The following ADAMTS16 variants were observed in gnomAD, a reference collection of about 807,000 sequenced individuals.
ADAMTS16 encodes A disintegrin and metalloproteinase with thrombospondin motifs 16.
A neutral mutation model predicts 145.8 loss-of-function variants in ADAMTS16; 94 were observed. The observed-to-expected ratio is 0.64, with a 90% CI of 0.55 to 0.77. ADAMTS16 has a LOEUF of 0.77. Among genes scored for constraint, ADAMTS16 ranks in the 30% least tolerant of loss-of-function variants. ADAMTS16 has a pLI of 0.00. For missense variants in ADAMTS16, 1,585 were observed against 1,591.5 expected, an observed-to-expected ratio of 1.00 and a Z score of 0.07; for synonymous variants, 659 against 604.3, an observed-to-expected ratio of 1.09 and a Z score of -1.33.
rs759874707 is a variant in ADAMTS16 at position 5,237,109 on chromosome 5, ATCCT to A, written c.2154+13_2154+16del. The A allele has an allele frequency of 1.2e-6, 2 of 1,612,212 alleles. No homozygotes were observed. Among genetic ancestry groups the A allele is most frequent in the South Asian group, 1.1e-5 (1 of 90,568 alleles). ...AGATGGGATATGTGAGGTAATCATG[ATCCT>A]TCATTCATTCAACAAATGATTCCGG... On this transcript the variant is annotated intron_variant, in intron 14 of 22. Transcript: ENST00000274181.
At chr5:5,183,666 C>T (rs1410696817) in intron 4 of ADAMTS16, among the ~76,000 whole-genome samples, 5 of 152,142 alleles carry the variant, frequency 3.3e-5, no homozygotes, top group Admixed American at 6.5e-5. Context: ...TGAAGGTGGT[C>T]GCCATGACTC....
At position 5,189,951 on chromosome 5, in the gene ADAMTS16, G is replaced by A. The variant is rs192878839; in HGVS notation, c.1048-20G>A. 6.2e-5 allele frequency: 99 copies of A among 1,608,792 alleles called. No homozygotes were observed. In the East Asian group the frequency reaches 1.1e-3, roughly 17 times the overall value. On this transcript the variant is annotated intron_variant, in intron 6 of 22. Transcript: ENST00000274181. ...TTCTCTTCATTATCATGGGGTCCTCGGTCCTTGTCTCTTGCACAGCCAGGA... is the reference window on the plus strand; with the variant it reads ...TTCTCTTCATTATCATGGGGTCCTCAGTCCTTGTCTCTTGCACAGCCAGGA...
At chr5:5,292,051 T>C (rs1490935590) in intron 18 of ADAMTS16, among the ~76,000 whole-genome samples, 1 of 152,196 alleles carries the variant, frequency 6.6e-6, no homozygotes, top group Non-Finnish European at 1.5e-5. Context: ...ACAGACAGAA[T>C]GGCCCTCTCT....
At chr5:5,147,213 T>A (rs1022146968) in intron 3 of ADAMTS16, among the ~76,000 whole-genome samples, 1 of 152,196 alleles carries the variant, frequency 6.6e-6, no homozygotes, top group Middle Eastern at 3.2e-3. Context: ...TCTTAGATTC[T>A]TGGCAGCAAA....
intron 8 of ADAMTS16, among the ~76,000 whole-genome samples, chr5:5,199,356 C>T (rs927330404): frequency 5.9e-5 from 9 of 152,176 alleles, no homozygotes; most frequent in African/African-American, 2.2e-4. Context: ...TTGAGATGTA[C>T]CTGTACTCTG....
chr5:5,282,419 C>A (rs1738956766), intron 18 of ADAMTS16, among the ~76,000 whole-genome samples: 2 of 152,200 alleles, frequency 1.3e-5, no homozygotes, highest in African/African-American at 4.8e-5. Flanking sequence ...CCAATGCCTA[C>A]CAATCTGTAC....
chr5:5,282,258 A>G lies in ADAMTS16; in HGVS notation c.2789+19475A>G, dbSNP rs115664834. ...TTTCCCTTAATAGATTCTTGTTTAC[A>G]TGACACATTTAGAAAGTTTTTAATA... On this transcript the variant is annotated intron_variant, in intron 18 of 22. Transcript: ENST00000274181. Among the ~76,000 whole-genome samples the G allele has an allele frequency of 4.5e-3, 683 of 152,310 alleles. 7 individuals are homozygous for G. Among genetic ancestry groups the G allele is most frequent in the African/African-American group, 0.014 (597 of 41,564 alleles).
In ADAMTS16 at chr5:5,191,797, G is replaced by A. The variant is rs781085397; in HGVS notation, c.1313+7G>A. On this transcript the variant is annotated splice_region_variant and intron_variant, in intron 8 of 22. Coordinates refer to ENST00000274181, the MANE Select transcript of ADAMTS16 (RefSeq NM_139056.4). ...CCCATGAGTCTGGACACAAGTAAGT[G>A]CATCTCCATGGGAGGATGGCATCCC... 1 of 1,599,120 alleles carries A rather than the reference G, an allele frequency of 6.3e-7. No homozygotes were observed. The highest frequency in any genetic ancestry group is 1.7e-5 in the Admixed American group (1 of 57,772).
chr5:5,217,056 G>A (rs10475289), intron 10 of ADAMTS16, among the ~76,000 whole-genome samples: 19,468 of 151,778 alleles, frequency 0.13, 4,080 homozygotes, highest in African/African-American at 0.44. Flanking sequence ...GAATAATGCC[G>A]CAATAAACAT....
intron 3 of ADAMTS16, among the ~76,000 whole-genome samples, chr5:5,161,043 A>C (rs1734733083): frequency 6.6e-6 from 1 of 152,238 alleles, no homozygotes. Context: ...ATTGAGTGTC[A>C]GCTTTCAGTT....
chr5:5,187,675 G>C (rs764998600), intron 5 of ADAMTS16, 50 bp from the exon 6 acceptor site: 2 of 1,271,356 alleles, frequency 1.6e-6, no homozygotes, highest in African/African-American at 1.5e-5. Flanking sequence ...TAGTAAGTAG[G>C]GGGGAAAATG....
chr5:5,140,448 G>A lies in ADAMTS16; in HGVS notation c.-20G>A. The A allele has an allele frequency of 6.7e-7, 1 of 1,502,852 alleles. No individual in the cohort carries two copies. Among genetic ancestry groups the A allele is most frequent in the Non-Finnish European group, 8.8e-7 (1 of 1,134,184 alleles). The allele number at this position is 1,502,852 out of a possible 1,614,324, so 93.1% of individuals were successfully genotyped here. A position where few individuals can be genotyped will look rare whatever the true frequency, so the allele number is the denominator to read the frequency against. ...GCCGGGGACCCTCCGGTGGCCCCTA[G>A]CCCCTCGGAGCGCTCCTGGATGAAG... On this transcript the variant is annotated 5_prime_UTR_variant, in exon 1 of 23. Coordinates refer to ENST00000274181, the MANE Select transcript of ADAMTS16 (RefSeq NM_139056.4).
Position 5,319,222 on chromosome 5 carries a change from T to C in ADAMTS16, c.*84T>C, listed in dbSNP as rs72647765. On this transcript the variant is annotated 3_prime_UTR_variant, in exon 23 of 23. Coordinates refer to ENST00000274181, the MANE Select transcript of ADAMTS16 (RefSeq NM_139056.4). ...ATGAGCTGTGCAATCTACGTCGGAA[T>C]ACATCCAAGGAAGAGCAAAGCCAAA... 23,395 of 1,022,334 alleles carry C rather than the reference T, an allele frequency of 0.023. 347 individuals carry two copies. Among genetic ancestry groups the C allele is most frequent in the African/African-American group, 0.06 (3,773 of 63,186 alleles). 63.3% of individuals were successfully genotyped at this position (1,022,334 alleles called of 1,614,324 possible). A position where few individuals can be genotyped will look rare whatever the true frequency, so the allele number is the denominator to read the frequency against.
intron 18 of ADAMTS16, among the ~76,000 whole-genome samples, chr5:5,277,147 G>A (rs1299350948): frequency 6.6e-6 from 1 of 152,140 alleles, no homozygotes. Flanking sequence ...TCCCCCTTAC[G>A]CTGTCTCCCA....
intron 12 of ADAMTS16, among the ~76,000 whole-genome samples, chr5:5,233,611 G>A (rs115149137): frequency 4.6e-5 from 7 of 152,116 alleles, no homozygotes; most frequent in East Asian, 1.9e-4. Context: ...CTGTCCCTGC[G>A]TTAGCTTATT....
intron 3 of ADAMTS16, among the ~76,000 whole-genome samples, chr5:5,168,987 T>C (rs1473019365): frequency 6.6e-6 from 1 of 151,530 alleles, no homozygotes; most frequent in Non-Finnish European, 1.5e-5. Flanking sequence ...TGAGGTAGTG[T>C]TACGTATCCT....
chr5:5,188,236 C>G (rs1289774059), intron 6 of ADAMTS16, among the ~76,000 whole-genome samples: 2 of 152,140 alleles, frequency 1.3e-5, no homozygotes, highest in African/African-American at 4.8e-5. Flanking sequence ...CCCTGTGTTG[C>G]TTTATTCAAT....
chr5:5,142,676 T>C (rs1001048245), intron 2 of ADAMTS16, among the ~76,000 whole-genome samples: 7 of 152,182 alleles, frequency 4.6e-5, no homozygotes, highest in African/African-American at 1.7e-4. Flanking sequence ...ATTGTAGCCA[T>C]ACATTTTGTT....
At chr5:5,261,751 C>G (rs977540491) in intron 17 of ADAMTS16, among the ~76,000 whole-genome samples, 3 of 152,146 alleles carry the variant, frequency 2.0e-5, no homozygotes, top group African/African-American at 7.2e-5. Flanking sequence ...CCCAAAGTAT[C>G]TCTTTTTTAT....
Sources: allele counts gnomAD v4.1 joint callset (sites outside exome capture counted in the v4.1 genomes callset), GRCh38; gene constraint gnomAD v4.1.1; transcripts MANE v1.5; gene names NCBI Gene and HGNC (gene_info 2026-07-23, HGNC 2026-07-21).